The following CNTNAP2 variants were observed in gnomAD, a reference collection of about 807,000 sequenced individuals.
The protein encoded by CNTNAP2 is contactin-associated protein-like 2.
CNTNAP2 carries 98 observed loss-of-function variants against 155.2 expected under a neutral mutation model. The observed-to-expected ratio is 0.63, with a 90% CI of 0.54 to 0.75. The LOEUF is 0.75. Ranked by LOEUF, CNTNAP2 falls within the 30% of genes least tolerant of loss-of-function variation. The pLI, the probability that CNTNAP2 is intolerant of heterozygous loss-of-function variation, is 0.00. For missense variants in CNTNAP2, 1,727 were observed against 1,688.1 expected (o/e 1.02, Z -0.40); for synonymous variants, 651 against 631.2 (o/e 1.03, Z -0.47).
rs530950200 is a variant in CNTNAP2, at chr7:147,841,855, G to T, written c.2099-61710G>T. On this transcript the variant is annotated intron_variant, in intron 13 of 23. Coordinates refer to ENST00000361727, the MANE Select transcript of CNTNAP2 (RefSeq NM_014141.6). Reference sequence around the variant, plus strand: ...GCTTCAATAACAATATAAGAAAAATGAAATTCCTACTAATCCATAGAATAA... The same window carrying T: ...GCTTCAATAACAATATAAGAAAAATTAAATTCCTACTAATCCATAGAATAA... 2.9e-3 allele frequency among the ~76,000 whole-genome samples: 440 copies of T among 152,198 alleles called. 1 individual carries two copies. Among genetic ancestry groups the T allele is most frequent in the Non-Finnish European group, 5.1e-3 (346 of 67,998 alleles).
chr7:148,022,717 T>G (rs36060964), intron 15 of CNTNAP2, among the ~76,000 whole-genome samples: 1 of 127,544 alleles, frequency 7.8e-6, no homozygotes, highest in Non-Finnish European at 1.7e-5. Flanking sequence ...TTGGTTGGTT[T>G]TTTTTTGGAC....
intron 16 of CNTNAP2, among the ~76,000 whole-genome samples, chr7:148,123,178 C>T (rs765672524): frequency 7.9e-5 from 12 of 152,126 alleles, no homozygotes; most frequent in Non-Finnish European, 1.5e-4. Context: ...GTCATCATCA[C>T]TTAGAGGATC....
At chr7:147,347,271 G>A (rs1795880274) in intron 9 of CNTNAP2, among the ~76,000 whole-genome samples, 1 of 151,712 alleles carries the variant, frequency 6.6e-6, no homozygotes, top group Non-Finnish European at 1.5e-5. Flanking sequence ...TTGGTCAGTG[G>A]ACTTGTTTGC....
At chr7:147,638,851 T>TC (rs1563033668) in intron 12 of CNTNAP2, 1 of 609,160 alleles carries the variant, frequency 1.6e-6, no homozygotes, top group African/African-American at 1.9e-5. Context: ...CTTTTTTTTT[T>TC]TTTCTTTTTT....
chr7:147,182,379 A>G (rs534499526), intron 8 of CNTNAP2, among the ~76,000 whole-genome samples: 3 of 152,154 alleles, frequency 2.0e-5, no homozygotes, highest in South Asian at 4.1e-4. Context: ...AAATTTCATT[A>G]TAGATGCTGG....
At chr7:146,156,307 T>C (rs1798125016) in intron 1 of CNTNAP2, among the ~76,000 whole-genome samples, 1 of 152,164 alleles carries the variant, frequency 6.6e-6, no homozygotes, top group African/African-American at 2.4e-5. Flanking sequence ...TAAAGAATGA[T>C]TGTTCATGTT....
chr7:147,872,392 ACTTATG>A (rs1799342408), intron 13 of CNTNAP2, among the ~76,000 whole-genome samples: 1 of 152,226 alleles, frequency 6.6e-6, no homozygotes, highest in African/African-American at 2.4e-5. Flanking sequence ...ATATTATTTA[ACTTATG>A]CTTATGATTT....
chr7:146,281,054 A>T lies in CNTNAP2; in HGVS notation c.97+164081A>T, dbSNP rs576752195. On this transcript the variant is annotated intron_variant, in intron 1 of 23. Coordinates refer to ENST00000361727, the MANE Select transcript of CNTNAP2 (RefSeq NM_014141.6). The stretch of plus-strand genomic sequence containing the variant: ...TCTGTGAGGATGAGGGTTGACCTAC[A>T]AGAATTACAGAGAGAAGGAGGCAGA... 2.0e-3 allele frequency among the ~76,000 whole-genome samples: 309 copies of T among 152,290 alleles called. 3 individuals are homozygous for T. The highest frequency in any genetic ancestry group is 7.0e-3 in the African/African-American group (290 of 41,560).
chr7:147,405,067 C>T (rs1403121839), intron 10 of CNTNAP2, among the ~76,000 whole-genome samples: 1 of 152,138 alleles, frequency 6.6e-6, no homozygotes, highest in Admixed American at 6.6e-5. Flanking sequence ...TTGCTTTTGG[C>T]ATGGCATATA....
chr7:146,331,566 T>G (rs981564866), intron 1 of CNTNAP2, among the ~76,000 whole-genome samples: 2 of 152,096 alleles, frequency 1.3e-5, no homozygotes, highest in African/African-American at 4.8e-5. Context: ...CCAGGTGGTC[T>G]GGGTTTGTTG....
intron 4 of CNTNAP2, among the ~76,000 whole-genome samples, chr7:147,064,307 A>T (rs918274228): frequency 2.0e-5 from 3 of 152,196 alleles, no homozygotes; most frequent in Non-Finnish European, 4.4e-5. Flanking sequence ...ATAGTTCATA[A>T]ATTTGTTTCA....
At chr7:148,391,372 C>T (rs1367473010) in intron 22 of CNTNAP2, among the ~76,000 whole-genome samples, 2 of 126,164 alleles carry the variant, frequency 1.6e-5, no homozygotes, top group African/African-American at 4.2e-5. Flanking sequence ...TAGGGCCTAG[C>T]ATGGGGCTTT....
chr7:146,245,354 G>A (rs1221629679), intron 1 of CNTNAP2, among the ~76,000 whole-genome samples: 1 of 152,164 alleles, frequency 6.6e-6, no homozygotes, highest in African/African-American at 2.4e-5. Context: ...GAAAGTATAT[G>A]CGTCAGCTAT....
intron 10 of CNTNAP2, among the ~76,000 whole-genome samples, chr7:147,419,002 A>G (rs1311592061): frequency 6.6e-6 from 1 of 152,206 alleles, no homozygotes; most frequent in Non-Finnish European, 1.5e-5. Context: ...GGACTCAGAA[A>G]TACTGTGGTT....
chr7:146,275,811 C>T (rs1335123006), intron 1 of CNTNAP2, among the ~76,000 whole-genome samples: 1 of 152,166 alleles, frequency 6.6e-6, no homozygotes, highest in African/African-American at 2.4e-5. Context: ...TTTCCCATTC[C>T]TACCTAATTC....
At chr7:146,851,784 G>A (rs1794884141) in intron 3 of CNTNAP2, among the ~76,000 whole-genome samples, 1 of 151,348 alleles carries the variant, frequency 6.6e-6, no homozygotes. Flanking sequence ...CTGAACCCAT[G>A]GATCCTCTGT....
At chr7:147,326,315 C>T (rs551930245) in intron 9 of CNTNAP2, among the ~76,000 whole-genome samples, 5 of 152,246 alleles carry the variant, frequency 3.3e-5, no homozygotes, top group Admixed American at 6.5e-5. Flanking sequence ...TTGTGCCTGG[C>T]TTATTTCACA....
chr7:146,210,721 T>C (rs887438101), intron 1 of CNTNAP2, among the ~76,000 whole-genome samples: 3 of 152,158 alleles, frequency 2.0e-5, no homozygotes, highest in African/African-American at 4.8e-5. Flanking sequence ...CCACTAACCA[T>C]TGCAAGACTG....
chr7:147,965,787 G>A (rs1801199192), intron 14 of CNTNAP2, among the ~76,000 whole-genome samples: 1 of 152,046 alleles, frequency 6.6e-6, no homozygotes, highest in African/African-American at 2.4e-5. Flanking sequence ...CTTGCATTTA[G>A]TCCCAGTCAC....
Sources: gnomAD v4.1 joint callset for allele counts (sites outside exome capture counted in the v4.1 genomes callset) on GRCh38, gnomAD v4.1.1 for gene constraint, MANE v1.5 for transcripts, NCBI Gene and HGNC (gene_info 2026-07-23, HGNC 2026-07-21) for gene names.